WWP2: variants seen among roughly 807,000 people sequenced by gnomAD.
WWP2 encodes the protein WW domain containing E3 ubiquitin protein ligase 2.
WWP2 carries 57 observed loss-of-function variants against 121.0 expected under a neutral mutation model. That is an observed-to-expected ratio of 0.47 (90% CI 0.38 to 0.59). WWP2 has a LOEUF of 0.59. Ranked by LOEUF, WWP2 falls within the 20% of genes least tolerant of loss-of-function variation. WWP2 has a pLI of 0.00. For synonymous variants in WWP2, 449 were observed against 441.3 expected, an observed-to-expected ratio of 1.02 and a Z score of -0.22; for missense variants, 962 against 1,158.9, an observed-to-expected ratio of 0.83 and a Z score of 2.47.
intron 1 of WWP2, among the ~76,000 whole-genome samples, chr16:69,778,366 G>A (rs2055586417): frequency 6.6e-6 from 1 of 151,708 alleles, no homozygotes; most frequent in Non-Finnish European, 1.5e-5. Flanking sequence ...CCCTCTTCCA[G>A]CAAAGCTTAT....
intron 21 of WWP2, 83 bp from the exon 22 acceptor site, chr16:69,938,944 C>A (rs542884406): frequency 3.7e-6 from 5 of 1,345,914 alleles, no homozygotes; most frequent in Middle Eastern, 2.0e-4. Flanking sequence ...AGAGGGGCCC[C>A]GCTGAGCTAG....
intron 4 of WWP2, among the ~76,000 whole-genome samples, chr16:69,824,707 A>G (rs1266625330): frequency 6.6e-6 from 1 of 151,778 alleles, no homozygotes; most frequent in Non-Finnish European, 1.5e-5. Context: ...CATAGATTAC[A>G]AGTGAAAAAT....
chr16:69,875,015 T>C (rs6499269), intron 7 of WWP2, among the ~76,000 whole-genome samples: 101,901 of 150,992 alleles, frequency 0.67, 35,984 homozygotes, highest in East Asian at 0.9. Flanking sequence ...GAGTGAGACC[T>C]TGTGTCAAAA....
chr16:69,772,597 A>G (rs1464766283), intron 1 of WWP2, among the ~76,000 whole-genome samples: 1 of 152,126 alleles, frequency 6.6e-6, no homozygotes, highest in South Asian at 2.1e-4. Flanking sequence ...TTGCTGTCAT[A>G]TTTATACCCA....
chr16:69,810,603 A>ATT (rs1045052887), intron 4 of WWP2, among the ~76,000 whole-genome samples: 1 of 145,180 alleles, frequency 6.9e-6, no homozygotes, highest in Non-Finnish European at 1.5e-5. Flanking sequence ...AATTTTTTGT[A>ATT]TTTTTTTTTA....
Position 69,935,587 on chromosome 16 carries a change from C to T in WWP2, c.1843-266C>T, listed in dbSNP as rs988328736. ...CCAGCGTGCGGGGCAGATGCGGGCC[C>T]GGACGTGGGTTCCCGCACCAGCTGG... On this transcript the variant is annotated intron_variant, in intron 17 of 23. Transcript: ENST00000359154. This position sits in a 1 kb window ranked among gnomAD's most constrained non-coding sequence, Gnocchi z 5.2. Among the ~76,000 whole-genome samples the T allele has an allele frequency of 6.6e-6, 1 of 152,234 alleles. No individual in the cohort carries two copies. The highest frequency in any genetic ancestry group is 1.5e-5 in the Non-Finnish European group (1 of 68,042).
chr16:69,898,024 TTTC>T (rs1356212071), intron 8 of WWP2, among the ~76,000 whole-genome samples: 1 of 113,268 alleles, frequency 8.8e-6, no homozygotes, highest in African/African-American at 3.5e-5. Context: ...CTTTTCTTTC[TTTC>T]TTTTTTTTTT....
intron 9 of WWP2, among the ~76,000 whole-genome samples, chr16:69,912,888 C>G (rs1258668792): frequency 4.0e-5 from 5 of 123,862 alleles, no homozygotes; most frequent in Admixed American, 1.8e-4. Flanking sequence ...TCGAGACTAG[C>G]CTGGGCAACA....
chr16:69,843,974 G>C (rs1400162212), intron 6 of WWP2, among the ~76,000 whole-genome samples: 1 of 152,200 alleles, frequency 6.6e-6, no homozygotes, highest in East Asian at 1.9e-4. Flanking sequence ...AGATCCCTCT[G>C]AGGACAGCTG....
chr16:69,791,236 T>C (rs368799652), intron 2 of WWP2, among the ~76,000 whole-genome samples: 1 of 140,942 alleles, frequency 7.1e-6, no homozygotes, highest in African/African-American at 3.2e-5. Context: ...TTCTTTCTTT[T>C]TTTTTTTTTG....
intron 9 of WWP2, among the ~76,000 whole-genome samples, chr16:69,911,658 A>G (rs1004747522): frequency 1.3e-5 from 2 of 152,172 alleles, no homozygotes; most frequent in Non-Finnish European, 2.9e-5. Context: ...AAAGAGTGCA[A>G]TCGTGCTTCT....
chr16:69,937,097 A>G lies in WWP2; in HGVS notation c.2118-21A>G, dbSNP rs1478658658. 1.2e-6 allele frequency: 2 copies of G among 1,613,152 alleles called. No homozygotes were observed. Among genetic ancestry groups the G allele is most frequent in the East Asian group, 2.2e-5 (1 of 44,836 alleles). On this transcript the variant is annotated intron_variant, in intron 19 of 23. Transcript: ENST00000359154. The surrounding 1 kb of genome is among the most constrained non-coding windows in gnomAD (Gnocchi z 6.6). The stretch of plus-strand genomic sequence containing the variant: ...GAGCAGTGGGTCTCAGACTCCACCC[A>G]TGGCTGCTCTTTGGTCTCAGGCTGC...
intron 4 of WWP2, among the ~76,000 whole-genome samples, chr16:69,804,189 A>G (rs749297655): frequency 1.1e-4 from 16 of 152,110 alleles, no homozygotes; most frequent in Non-Finnish European, 1.9e-4. Flanking sequence ...TCTGTAGTCC[A>G]ATCTGTCACC....
chr16:69,910,592 G>A (rs1299896124), intron 9 of WWP2, among the ~76,000 whole-genome samples: 1 of 152,088 alleles, frequency 6.6e-6, no homozygotes, highest in Admixed American at 6.6e-5. Flanking sequence ...TGTATTTTTA[G>A]TAGAGACAGG....
chr16:69,869,696 A>C (rs971031958), intron 6 of WWP2, among the ~76,000 whole-genome samples: 1 of 152,222 alleles, frequency 6.6e-6, no homozygotes, highest in Non-Finnish European at 1.5e-5. Flanking sequence ...CAATGAAGGA[A>C]GCTGGAAAAA....
intron 1 of WWP2, among the ~76,000 whole-genome samples, chr16:69,772,871 T>C (rs1224677333): frequency 3.9e-4 from 60 of 152,070 alleles, no homozygotes; most frequent in Non-Finnish European, 5.9e-5. Context: ...TGACCTCTCT[T>C]GTGGGCAGCT....
At chr16:69,931,443 T>C (rs1377665243) in intron 14 of WWP2, 66 bp from the exon 15 acceptor site, 15 of 1,598,818 alleles carry the variant, frequency 9.4e-6, no homozygotes, top group Middle Eastern at 1.7e-4. Context: ...TGCCTGTTCA[T>C]ACAGACAGGA....
intron 4 of WWP2, among the ~76,000 whole-genome samples, chr16:69,820,064 C>T (rs1192977843): frequency 2.6e-5 from 4 of 152,070 alleles, no homozygotes; most frequent in Admixed American, 6.6e-5. Flanking sequence ...TAGTGAGACC[C>T]TCTACAAAAA....
intron 8 of WWP2, among the ~76,000 whole-genome samples, chr16:69,898,951 G>T (rs1008500621): frequency 6.6e-6 from 1 of 151,944 alleles, no homozygotes; most frequent in Non-Finnish European, 1.5e-5. Flanking sequence ...TGATCCACCT[G>T]CCTCGGCCTC....
Sources: gnomAD v4.1 joint callset for allele counts (sites outside exome capture counted in the v4.1 genomes callset) on GRCh38, gnomAD v4.1.1 for gene constraint, Gnocchi (gnomAD v3.1) non-coding constraint, MANE v1.5 for transcripts, NCBI Gene and HGNC (gene_info 2026-07-23, HGNC 2026-07-21) for gene names.